UNC5D: variants seen among roughly 807,000 people sequenced by gnomAD.
UNC5D encodes netrin receptor UNC5D.
Under a neutral mutation model 105.4 loss-of-function variants are expected in UNC5D, and 39 were observed. The ratio of observed to expected loss-of-function variants is 0.37; its 90% confidence interval spans 0.29 to 0.48. The LOEUF is 0.48. Ranked by LOEUF, UNC5D falls within the 20% of genes least tolerant of loss-of-function variation. UNC5D has a pLI of 0.98. For missense variants in UNC5D, 991 were observed against 1,202.4 expected (o/e 0.82, Z 2.60); for synonymous variants, 452 against 450.4 (o/e 1.00, Z -0.04).
At chr8:35,756,551 TAA>T (rs560731427) in intron 13 of UNC5D, among the ~76,000 whole-genome samples, 14 of 122,930 alleles carry the variant, frequency 1.1e-4, no homozygotes, top group Non-Finnish European at 1.6e-4. Context: ...CATGAGTCTT[TAA>T]AAAAAAAAAA....
In UNC5D at chr8:35,471,960, T is replaced by G. The variant is rs1214647908; in HGVS notation, c.104-77332T>G. Among the ~76,000 whole-genome samples the G allele has an allele frequency of 3.5e-3, 538 of 152,336 alleles. 4 individuals carry two copies. Among genetic ancestry groups the G allele is most frequent in the African/African-American group, 0.012 (513 of 41,570 alleles). On this transcript the variant is annotated intron_variant, in intron 1 of 16. Coordinates refer to ENST00000404895, the MANE Select transcript of UNC5D (RefSeq NM_080872.4). Reference sequence around the variant, plus strand: ...ACAAAATAAGCAGATATCTCAGTGTTTTCTTTGTGAATCAGTACTAGACAG... The same window carrying G: ...ACAAAATAAGCAGATATCTCAGTGTGTTCTTTGTGAATCAGTACTAGACAG...
intron 1 of UNC5D, among the ~76,000 whole-genome samples, chr8:35,521,936 C>A (rs1472840603): frequency 6.6e-6 from 1 of 152,134 alleles, no homozygotes; most frequent in Non-Finnish European, 1.5e-5. Context: ...TTAATCAGAA[C>A]GTTTTCATAA....
chr8:35,724,728 C>G (rs2131546937), intron 9 of UNC5D, among the ~76,000 whole-genome samples: 1 of 152,286 alleles, frequency 6.6e-6, no homozygotes, highest in South Asian at 2.1e-4. Flanking sequence ...GATAAAAGAG[C>G]CAGGTGACTG....
intron 1 of UNC5D, among the ~76,000 whole-genome samples, chr8:35,421,408 A>G (rs960830246): frequency 2.0e-5 from 3 of 152,178 alleles, no homozygotes; most frequent in African/African-American, 7.2e-5. Context: ...GGGAATAAAC[A>G]TGATTTATAT....
At chr8:35,788,903 C>CA (rs1353097446) in intron 16 of UNC5D, among the ~76,000 whole-genome samples, 1 of 151,486 alleles carries the variant, frequency 6.6e-6, no homozygotes, top group East Asian at 2.0e-4. Context: ...TTTCCCGAGA[C>CA]AAATCTACCC....
In UNC5D at chr8:35,235,711, G is replaced by C. The variant is rs1335342963; in HGVS notation, c.-74G>C. 1.8e-6 allele frequency: 2 copies of C among 1,124,736 alleles called. No homozygotes were observed. Among genetic ancestry groups the C allele is most frequent in the Non-Finnish European group, 2.2e-6 (2 of 891,146 alleles). 69.7% of individuals were successfully genotyped at this position (1,124,736 alleles called of 1,614,324 possible). On this transcript the variant is annotated 5_prime_UTR_variant, in exon 1 of 17. Transcript: ENST00000404895. ...GACTCCCGAGACCCATTCGACTCGG[G>C]ACCCTCATCGCCGACCCTTTCCCGG...
At chr8:35,356,807 C>T (rs563405454) in intron 1 of UNC5D, among the ~76,000 whole-genome samples, 5 of 152,044 alleles carry the variant, frequency 3.3e-5, no homozygotes, top group Admixed American at 6.6e-5. Flanking sequence ...ATGTGAGAGT[C>T]GGTCTGAGAA....
intron 1 of UNC5D, among the ~76,000 whole-genome samples, chr8:35,325,100 T>C (rs1242583715): frequency 6.6e-6 from 1 of 152,076 alleles, no homozygotes; most frequent in Non-Finnish European, 1.5e-5. Context: ...GCCTCAGAAA[T>C]GGGAGACCCT....
chr8:35,335,617 C>T (rs1170123702), intron 1 of UNC5D, among the ~76,000 whole-genome samples: 1 of 152,022 alleles, frequency 6.6e-6, no homozygotes, highest in African/African-American at 2.4e-5. Context: ...TGTTTCAAGG[C>T]ACTGCATGAT....
At chr8:35,366,051 A>C (rs1802103142) in intron 1 of UNC5D, among the ~76,000 whole-genome samples, 1 of 152,154 alleles carries the variant, frequency 6.6e-6, no homozygotes, top group Non-Finnish European at 1.5e-5. Context: ...TCACTATCCC[A>C]AAAATATTAT....
At chr8:35,297,098 T>C (rs1807547651) in intron 1 of UNC5D, among the ~76,000 whole-genome samples, 1 of 152,176 alleles carries the variant, frequency 6.6e-6, no homozygotes, top group Non-Finnish European at 1.5e-5. Context: ...TATGTTTGCC[T>C]TCATTGAGTA....
chr8:35,257,089 A>G (rs1025849957), intron 1 of UNC5D, among the ~76,000 whole-genome samples: 2 of 150,248 alleles, frequency 1.3e-5, no homozygotes, highest in African/African-American at 4.9e-5. Context: ...GTCTTGCCTT[A>G]GCCTCCTGAG....
At chr8:35,582,139 T>C (rs1401855685) in intron 3 of UNC5D, among the ~76,000 whole-genome samples, 1 of 152,222 alleles carries the variant, frequency 6.6e-6, no homozygotes, top group African/African-American at 2.4e-5. Flanking sequence ...CTTTGAACTT[T>C]TGGCCCCATA....
At chr8:35,299,924 G>A (rs1199594359) in intron 1 of UNC5D, among the ~76,000 whole-genome samples, 2 of 152,158 alleles carry the variant, frequency 1.3e-5, no homozygotes, top group Non-Finnish European at 1.5e-5. Context: ...GCAAAGTGCA[G>A]AAGGGTTACT....
At position 35,791,718 on chromosome 8, in the gene UNC5D, G is replaced by A. The variant is rs551057258; in HGVS notation, c.*1155G>A. 3 of 152,230 alleles carry A rather than the reference G, an allele frequency of 2.0e-5. No individual in the cohort carries two copies. The East Asian group carries it at 5.8e-4, about 29-fold the overall frequency. The allele number at this position is 152,230 out of a possible 1,614,324, so 9.4% of individuals were successfully genotyped here. A position where few individuals can be genotyped will look rare whatever the true frequency, so the allele number is the denominator to read the frequency against. On this transcript the variant is annotated 3_prime_UTR_variant, in exon 17 of 17. Coordinates refer to ENST00000404895, the MANE Select transcript of UNC5D (RefSeq NM_080872.4). ...TAGACTTGAGGAATCCTCTACCACAGTGTCCCTGAAACCACATGCATCATT... is the reference window on the plus strand; with the variant it reads ...TAGACTTGAGGAATCCTCTACCACAATGTCCCTGAAACCACATGCATCATT...
Position 35,595,585 on chromosome 8 carries a change from AG to A in UNC5D, c.500del (p.Gly167GlufsTer9). On this transcript the variant is annotated frameshift_variant, in exon 4 of 17. Transcript: ENST00000404895. LOFTEE classifies it high-confidence loss of function. ...LRKNFEQDPQ[G>X]REVPIEGMIV... ...GGAAAAACTTTGAACAAGACCCACA[AG>A]GAAGGGAAGTTCCCATTGAAGGCAT... 1.2e-6 allele frequency: 2 copies of A among 1,614,128 alleles called. No individual in the cohort carries two copies. Among genetic ancestry groups the A allele is most frequent in the Non-Finnish European group, 8.5e-7 (1 of 1,179,986 alleles).
intron 1 of UNC5D, among the ~76,000 whole-genome samples, chr8:35,283,873 G>A (rs1806386651): frequency 6.6e-6 from 1 of 151,882 alleles, no homozygotes; most frequent in African/African-American, 2.4e-5. Flanking sequence ...TGGGGCCCAG[G>A]CATCAGCATT....
chr8:35,646,168 G>A (rs1035756482), intron 4 of UNC5D, among the ~76,000 whole-genome samples: 2 of 152,112 alleles, frequency 1.3e-5, no homozygotes, highest in African/African-American at 4.8e-5. Flanking sequence ...TTGTCATTTT[G>A]CTAGGTTGGA....
At chr8:35,430,920 A>C (rs531969546) in intron 1 of UNC5D, among the ~76,000 whole-genome samples, 2 of 152,184 alleles carry the variant, frequency 1.3e-5, no homozygotes, top group African/African-American at 4.8e-5. Flanking sequence ...ATGCATGCAC[A>C]AACACACTAC....
Sources: allele counts gnomAD v4.1 joint callset (sites outside exome capture counted in the v4.1 genomes callset), GRCh38; gene constraint gnomAD v4.1.1; transcripts MANE v1.5; gene names NCBI Gene and HGNC (gene_info 2026-07-23, HGNC 2026-07-21).